The following KDSR variants were observed in gnomAD, a reference collection of about 807,000 sequenced individuals.
KDSR encodes the protein 3-dehydrosphinganine reductase.
KDSR carries 23 observed loss-of-function variants against 41.3 expected under a neutral mutation model. That is an observed-to-expected ratio of 0.56 (90% CI 0.40 to 0.79). KDSR has a LOEUF of 0.79. KDSR is among the 30% of genes least tolerant of loss of function. KDSR has a pLI of 0.00. For synonymous variants in KDSR, 138 were observed against 151.7 expected (o/e 0.91, Z 0.66); for missense variants, 351 against 416.8 (o/e 0.84, Z 1.37).
At position 63,359,892 on chromosome 18, in the gene KDSR, T is replaced by G. The variant is rs58845534; in HGVS notation, c.199-100A>C. ...AAGCAATTATTTCTATATGTATGTA[T>G]TAAATTCCAGAAAACACACAAAACA... is the stretch of plus-strand genomic sequence containing the variant. On this transcript the variant is annotated intron_variant, in intron 2 of 9. Coordinates refer to ENST00000645214, the MANE Select transcript of KDSR (RefSeq NM_002035.4). 3,629 of 809,158 alleles carry G rather than the reference T, an allele frequency of 4.5e-3. 90 individuals are homozygous for G. The African/African-American group carries it at 0.054, about 12-fold the overall frequency. The allele number at this position is 809,158 out of a possible 1,614,324, so 50.1% of individuals were successfully genotyped here.
chr18:63,348,172 G>A (rs1316936434), intron 6 of KDSR, among the ~76,000 whole-genome samples: 1 of 151,976 alleles, frequency 6.6e-6, no homozygotes, highest in Non-Finnish European at 1.5e-5. Context: ...GGTGAGGCAT[G>A]GTAGTACACA....
Position 63,344,571 on chromosome 18 carries a change from C to T in KDSR, c.610-78G>A, listed in dbSNP as rs180775860. On this transcript the variant is annotated intron_variant, in intron 6 of 9. Coordinates refer to ENST00000645214, the MANE Select transcript of KDSR (RefSeq NM_002035.4). ...CTACACTGCCAACCTGCACTGGCTG[C>T]CCTGATTCCCAAAAAGCGGTGAGAA... The T allele has an allele frequency of 2.1e-4, 204 of 967,002 alleles. 1 individual carries two copies. The highest frequency in any genetic ancestry group is 3.1e-4 in the Non-Finnish European group (187 of 606,504). The allele number at this position is 967,002 out of a possible 1,614,324, so 59.9% of individuals were successfully genotyped here. A position where few individuals can be genotyped will look rare whatever the true frequency, so the allele number is the denominator to read the frequency against.
chr18:63,359,528 C>A, intron 3 of KDSR: 1 of 417,860 alleles, frequency 2.4e-6, no homozygotes, highest in East Asian at 3.4e-5. Flanking sequence ...GTTATTTGAC[C>A]ATTTGTAGAT....
intron 6 of KDSR, chr18:63,345,339 C>G (rs1374781557): frequency 6.6e-6 from 1 of 152,558 alleles, no homozygotes; most frequent in Admixed American, 6.5e-5. Flanking sequence ...ATACACACAC[C>G]CCCAACAATT....
chr18:63,346,786 G>C (rs1015695461), intron 6 of KDSR, among the ~76,000 whole-genome samples: 2 of 152,082 alleles, frequency 1.3e-5, no homozygotes, highest in Admixed American at 6.6e-5. Flanking sequence ...GCAACAACGA[G>C]CACTTACTGA....
At chr18:63,335,778 A>G (rs777574051) in intron 8 of KDSR, 4 of 153,104 alleles carry the variant, frequency 2.6e-5, no homozygotes, top group African/African-American at 7.2e-5. Flanking sequence ...AAGTTCTAAA[A>G]TTCTTTTAAA....
At chr18:63,333,042 C>T (rs1021306042) in intron 9 of KDSR, among the ~76,000 whole-genome samples, 18 of 151,756 alleles carry the variant, frequency 1.2e-4, no homozygotes, top group African/African-American at 3.4e-4. Context: ...TGGAAAGGTA[C>T]GTGGGGTAGG....
At chr18:63,334,326 C>T (rs904846006) in intron 9 of KDSR, among the ~76,000 whole-genome samples, 14 of 151,710 alleles carry the variant, frequency 9.2e-5, no homozygotes, top group Admixed American at 6.6e-5. Context: ...TATTGTAACC[C>T]CTACTTCATT....
chr18:63,346,659 C>G (rs1022273419), intron 6 of KDSR: 1 of 152,168 alleles, frequency 6.6e-6, no homozygotes, highest in Non-Finnish European at 1.5e-5. Flanking sequence ...CCAGTCCAGT[C>G]GCTTCCTAGA....
Position 63,339,010 on chromosome 18 carries a change from T to C in KDSR, c.694-127A>G, listed in dbSNP as rs150248958. Reference sequence around the variant, plus strand: ...CTACCTTTGGGCAGATTCCTATTTCTAGAATAAGGTCCATCTGGATTCTAA... The same window carrying C: ...CTACCTTTGGGCAGATTCCTATTTCCAGAATAAGGTCCATCTGGATTCTAA... On this transcript the variant is annotated intron_variant, in intron 7 of 9. Transcript: ENST00000645214. 423 of 602,220 alleles carry C rather than the reference T, an allele frequency of 7.0e-4. 1 individual carries two copies. The African/African-American group carries it at 7.4e-3, about 11-fold the overall frequency. The allele number at this position is 602,220 out of a possible 1,614,324, so 37.3% of individuals were successfully genotyped here. A position where few individuals can be genotyped will look rare whatever the true frequency, so the allele number is the denominator to read the frequency against.
At chr18:63,331,979 G>C in intron 9 of KDSR, 78 bp from the exon 10 acceptor site, 1 of 1,449,412 alleles carries the variant, frequency 6.9e-7, no homozygotes, top group South Asian at 1.3e-5. Flanking sequence ...CTAACAAACA[G>C]TTTCTAAGAC....
At position 63,357,647 on chromosome 18, in the gene KDSR, G is replaced by A. The variant is rs367922465; in HGVS notation, c.256-2084C>T. 6.2e-5 allele frequency among the ~76,000 whole-genome samples: 9 copies of A among 145,792 alleles called. 1 individual carries two copies. The highest frequency in any genetic ancestry group is 2.0e-4 in the African/African-American group (8 of 39,574). On this transcript the variant is annotated intron_variant, in intron 3 of 9. Transcript: ENST00000645214. Reference sequence around the variant, plus strand: ...GTTACCCAGGCTGGAGTACAGCGGTGCAATCTCTGCTCACCTCAAGCTTTG... The same window carrying A: ...GTTACCCAGGCTGGAGTACAGCGGTACAATCTCTGCTCACCTCAAGCTTTG...
At chr18:63,355,135 A>G (rs1914760136) in intron 5 of KDSR, 69 bp downstream of exon 5, 1 of 1,033,860 alleles carries the variant, frequency 9.7e-7, no homozygotes, top group South Asian at 1.4e-5. Flanking sequence ...TGATTCTTAA[A>G]GCTTTTACCC....
rs1019840335 is a variant in KDSR, at chr18:63,328,646, C to T, written c.*3136G>A. The T allele has an allele frequency of 2.4e-5, 4 of 165,438 alleles. No homozygotes were observed. In the Admixed American group the frequency reaches 2.6e-4, roughly 11 times the overall value. 10.2% of individuals were successfully genotyped at this position (165,438 alleles called of 1,614,324 possible). ...AAGTGCTGGGATTACTGGCGTGAGC[C>T]ACCACGCCCGGCCCAGAGAAAGATT... is the stretch of plus-strand genomic sequence containing the variant. On this transcript the variant is annotated 3_prime_UTR_variant, in exon 10 of 10. Transcript: ENST00000645214.
chr18:63,340,518 GT>G (rs1568277051), intron 7 of KDSR, among the ~76,000 whole-genome samples: 1 of 152,216 alleles, frequency 6.6e-6, no homozygotes, highest in Non-Finnish European at 1.5e-5. Flanking sequence ...GTTCAAGGTG[GT>G]AAGTTCTGAT....
chr18:63,334,126 G>A (rs977885449), intron 9 of KDSR, among the ~76,000 whole-genome samples: 5 of 152,214 alleles, frequency 3.3e-5, no homozygotes, highest in African/African-American at 7.2e-5. Context: ...ATCTAACACA[G>A]TGTCAACCTC....
At chr18:63,360,646 G>A (rs1255749707) in intron 2 of KDSR, among the ~76,000 whole-genome samples, 1 of 152,170 alleles carries the variant, frequency 6.6e-6, no homozygotes, top group African/African-American at 2.4e-5. Context: ...ACTTTGGGAG[G>A]CCAAGGTGAG....
intron 7 of KDSR, among the ~76,000 whole-genome samples, chr18:63,343,745 TAAA>T (rs35026156): frequency 6.9e-6 from 1 of 143,906 alleles, no homozygotes; most frequent in African/African-American, 2.6e-5. Context: ...TTCTAAATCT[TAAA>T]AAAAAAAAAA....
At chr18:63,357,270 C>A (rs1408483933) in intron 3 of KDSR, among the ~76,000 whole-genome samples, 2 of 152,134 alleles carry the variant, frequency 1.3e-5, no homozygotes, top group Non-Finnish European at 2.9e-5. Context: ...GGTTGAAGAA[C>A]TGCATACACT....
Sources: gnomAD v4.1 joint callset for allele counts (sites outside exome capture counted in the v4.1 genomes callset) on GRCh38, gnomAD v4.1.1 for gene constraint, MANE v1.5 for transcripts, NCBI Gene and HGNC (gene_info 2026-07-23, HGNC 2026-07-21) for gene names.